The following MASP2 variants were observed in gnomAD, a reference collection of about 807,000 sequenced individuals.
MASP2 encodes MBL associated serine protease 2.
Under a neutral mutation model 57.1 loss-of-function variants are expected in MASP2, and 49 were observed. The observed-to-expected ratio is 0.86, with a 90% CI of 0.68 to 1.09. MASP2 has a LOEUF of 1.09. Ranked by LOEUF, MASP2 falls within the 50% of genes least tolerant of loss-of-function variation. The probability of loss-of-function intolerance (pLI) is 0.00; values close to 1 mark genes in which losing one functional copy is unlikely to be tolerated. For missense variants in MASP2, 900 were observed against 874.8 expected, an observed-to-expected ratio of 1.03 and a Z score of -0.36; for synonymous variants, 379 against 340.8, an observed-to-expected ratio of 1.11 and a Z score of -1.24.
chr1:11,030,830 G>T lies in MASP2; in HGVS notation c.1140C>A (p.Ile380=), dbSNP rs1643831218. Residue 380 remains isoleucine, a synonymous_variant, in exon 9 of 11, where the codon ATC becomes ATA. Transcript: ENST00000400897. ...DDLPSGRVEY[I]TGPGVTTYKA... ...TGTAGGTGGTCACTCCAGGACCTGT[G>T]ATGTACTCCACTCGGCCACTGGGTA... 3.1e-6 allele frequency: 5 copies of T among 1,613,928 alleles called. No individual in the cohort carries two copies. The highest frequency in any genetic ancestry group is 4.2e-6 in the Non-Finnish European group (5 of 1,179,868).
intron 7 of MASP2, among the ~76,000 whole-genome samples, chr1:11,036,659 A>G (rs1364456326): frequency 7.3e-6 from 1 of 136,898 alleles, no homozygotes; most frequent in Non-Finnish European, 1.5e-5. Flanking sequence ...GACCCGCCAC[A>G]GGACTGTGGA....
At chr1:11,045,341 C>T (rs1557677344) in intron 4 of MASP2, 67 bp downstream of exon 4, 1 of 1,607,108 alleles carries the variant, frequency 6.2e-7, no homozygotes, top group South Asian at 1.1e-5. Context: ...GGCAGAGCAG[C>T]AATGGCCCTG....
intron 6 of MASP2, among the ~76,000 whole-genome samples, chr1:11,042,157 AGGAT>A (rs1004280875): frequency 4.6e-4 from 37 of 80,190 alleles, no homozygotes; most frequent in East Asian, 3.3e-3. Context: ...CATGGATGGA[AGGAT>A]GGATGGATGG....
At position 11,037,811 on chromosome 1, in the gene MASP2, G is replaced by C; in HGVS notation, c.890C>G (p.Ala297Gly). Residue 297 changes from alanine (A) to glycine (G), a missense_variant and splice_region_variant, in exon 7 of 11, where the codon GCG (alanine) becomes GGG (glycine). Transcript: ENST00000400897. ...CGCCATCGGATAAGGGCAAGGCTGC[G>C]CTGCGCAGAGGAAACCAGGCTTGTT... ...TGWKIHYTST[A>G]QPCPYPMAPP... The C allele has an allele frequency of 6.3e-7, 1 of 1,596,284 alleles. No individual in the cohort carries two copies. The highest frequency in any genetic ancestry group is 8.6e-7 in the Non-Finnish European group (1 of 1,168,714).
intron 3 of MASP2, 153 bp from the exon 4 acceptor site, chr1:11,045,692 A>G: frequency 1.3e-6 from 1 of 785,334 alleles, no homozygotes; most frequent in African/African-American, 1.7e-5. Flanking sequence ...CAATCACCTT[A>G]CAGGCCTAGG....
In MASP2 at chr1:11,027,574, A is replaced by C. The variant is rs1557664736; in HGVS notation, c.1372T>G (p.Trp458Gly). The change falls in exon 11 of 11, where the codon TGG (tryptophan) becomes GGG (glycine). Residue 458 changes from tryptophan to glycine, a missense_variant. Coordinates refer to ENST00000400897, the MANE Select transcript of MASP2 (RefSeq NM_006610.4). The stretch of plus-strand genomic sequence containing the variant: ...GTTCCACCTAATATCAGGACTTGCC[A>C]AGGAAAATCACCAGGTTTTGCCTTT... ...GQKAKPGDFP[W>G]QVLILGGTTA... The C allele has an allele frequency of 6.2e-7, 1 of 1,614,196 alleles. No homozygotes were observed. The highest frequency in any genetic ancestry group is 1.7e-5 in the Admixed American group (1 of 60,012).
chr1:11,037,756 T>C lies in MASP2; in HGVS notation c.945A>G (p.Gln315=). The change falls in exon 7 of 11, where the codon CAA becomes CAG. Residue 315 remains glutamine, a synonymous_variant. Transcript: ENST00000400897. ...APPNGHVSPV[Q]AKYILKDSFS... ...AGCTGTCTTTCAGGATGTATTTGGC[T>C]TGCACAGGTGAAACGTGGCCATTAG... The C allele has an allele frequency of 6.2e-7, 1 of 1,613,502 alleles. No homozygotes were observed. The highest frequency in any genetic ancestry group is 8.5e-7 in the Non-Finnish European group (1 of 1,179,808).
intron 3 of MASP2, chr1:11,046,349 T>A: frequency 1.6e-6 from 1 of 623,368 alleles, no homozygotes; most frequent in Non-Finnish European, 2.9e-6. Context: ...TGTCCTCAGA[T>A]CCCTGGCTCA....
chr1:11,036,302 A>G (rs1351608385), intron 7 of MASP2, among the ~76,000 whole-genome samples: 2 of 151,256 alleles, frequency 1.3e-5, no homozygotes, highest in Non-Finnish European at 2.9e-5. Context: ...CAGGAGATCG[A>G]GACCATCCTG....
At position 11,030,746 on chromosome 1, in the gene MASP2, A is replaced by G; in HGVS notation, c.1222+2T>C. On this transcript the variant is annotated splice_donor_variant, in intron 9 of 10. Coordinates refer to ENST00000400897, the MANE Select transcript of MASP2 (RefSeq NM_006610.4). LOFTEE classifies it high-confidence loss of function. The stretch of plus-strand genomic sequence containing the variant: ...ACCCCCAACTTTGAAGAATTTGCAT[A>G]CCATCATTCACTTTCATTGTGTAGA... 1.3e-6 allele frequency: 2 copies of G among 1,595,852 alleles called. No homozygotes were observed. The highest frequency in any genetic ancestry group is 2.3e-5 in the East Asian group (1 of 44,380).
chr1:11,047,139 G>A lies in MASP2; in HGVS notation c.6-20C>T, dbSNP rs1241482759. On this transcript the variant is annotated intron_variant, in intron 1 of 10. Coordinates refer to ENST00000400897, the MANE Select transcript of MASP2 (RefSeq NM_006610.4). ...AGCAGCCTATGGGCAGGGCAGGGGC[G>A]GTGAGGGCCCAGGCCTGTGCTCCCA... 7 of 1,548,710 alleles carry A rather than the reference G, an allele frequency of 4.5e-6. No homozygotes were observed. Among genetic ancestry groups the A allele is most frequent in the East Asian group, 2.4e-5 (1 of 41,024 alleles).
At position 11,027,186 on chromosome 1, in the gene MASP2, T is replaced by A. The variant is rs952070339; in HGVS notation, c.1760A>T (p.Tyr587Phe). The stretch of plus-strand genomic sequence containing the variant: ...ATGGTCAACAATCGGTATGTCGACA[T>A]ACATTAGATTTCTAGCAAGAAAACC... ...QRGFLARNLM[Y>F]VDIPIVDHQK... Residue 587 changes from tyrosine (Y) to phenylalanine (F), a missense_variant, in exon 11 of 11, where the codon TAT becomes TTT. By Grantham distance (22) the Tyr-to-Phe change is conservative (BLOSUM62 3). Coordinates refer to ENST00000400897, the MANE Select transcript of MASP2 (RefSeq NM_006610.4). 26 of 1,614,086 alleles carry A rather than the reference T, an allele frequency of 1.6e-5. No individual in the cohort carries two copies. Among genetic ancestry groups the A allele is most frequent in the Non-Finnish European group, 1.9e-5 (23 of 1,180,056 alleles).
chr1:11,036,558 GAA>G (rs1324489668), intron 7 of MASP2, among the ~76,000 whole-genome samples: 1 of 92,396 alleles, frequency 1.1e-5, no homozygotes, highest in Non-Finnish European at 2.4e-5. Flanking sequence ...AGAAACTAAA[GAA>G]GTCTGTGGTC....
rs1166315142 is a variant in MASP2, at chr1:11,041,815, A to G, written c.889+1060T>C. Reference sequence around the variant, plus strand: ...ATGGATAGAAGTATGTGTAGGTAGAAGGATGGGTGGATGGGTAGATGAGTA... The same window carrying G: ...ATGGATAGAAGTATGTGTAGGTAGAGGGATGGGTGGATGGGTAGATGAGTA... On this transcript the variant is annotated intron_variant, in intron 6 of 10. Transcript: ENST00000400897. 9.0e-5 allele frequency among the ~76,000 whole-genome samples: 3 copies of G among 33,334 alleles called. No homozygotes were observed. In the East Asian group the frequency reaches 2.8e-3, roughly 31 times the overall value. 21.9% of individuals were successfully genotyped at this position (33,334 alleles called of 152,430 possible). A position where few individuals can be genotyped will look rare whatever the true frequency, so the allele number is the denominator to read the frequency against.
intron 9 of MASP2, chr1:11,030,543 TAGTC>T: frequency 1.7e-6 from 1 of 589,188 alleles, no homozygotes; most frequent in Non-Finnish European, 2.9e-6. Context: ...GTGTTTGTAG[TAGTC>T]ATTTACTAGA....
rs1289727940 is a variant in MASP2 at position 11,027,278 on chromosome 1, T to G, written c.1668A>C (p.Lys556Asn). 2 of 1,614,008 alleles carry G rather than the reference T, an allele frequency of 1.2e-6. No homozygotes were observed. The highest frequency in any genetic ancestry group is 1.7e-5 in the Admixed American group (1 of 59,982). ...SNITPICLPR[K>N]EAESFMRTDD... ...CTGTCCTCATAAAGGATTCAGCTTC[T>G]TTTCTTGGCAGACAAATAGGCGTGA... Residue 556 changes from lysine to asparagine, a missense_variant, in exon 11 of 11, where the codon AAA becomes AAC. Lys to Asn is a moderately conservative substitution (Grantham distance 94). Coordinates refer to ENST00000400897, the MANE Select transcript of MASP2 (RefSeq NM_006610.4).
At chr1:11,035,786 C>T (rs1169555842) in intron 7 of MASP2, among the ~76,000 whole-genome samples, 1 of 150,408 alleles carries the variant, frequency 6.6e-6, no homozygotes, top group Non-Finnish European at 1.5e-5. Flanking sequence ...GTCCCAGCTA[C>T]TTGGGAGGCT....
rs763975049 is a variant in MASP2, at chr1:11,045,438, C to T, written c.514G>A (p.Val172Ile). 13 of 1,613,142 alleles carry T rather than the reference C, an allele frequency of 8.1e-6. No individual in the cohort carries two copies. The highest frequency in any genetic ancestry group is 5.3e-5 in the African/African-American group (4 of 74,918). The change falls in exon 4 of 11, where the codon GTC (valine) becomes ATC (isoleucine). Residue 172 changes from valine (V) to isoleucine (I), a missense_variant. Coordinates refer to ENST00000400897, the MANE Select transcript of MASP2 (RefSeq NM_006610.4). ...CAGGTGCGCTTGTTACGGTGCAGGACGTAGCCTGCGCGGCAGGAGCAGTAG... is the reference window on the plus strand; with the variant it reads ...CAGGTGCGCTTGTTACGGTGCAGGATGTAGCCTGCGCGGCAGGAGCAGTAG... ...GFYCSCRAGYVLHRNKRTCSA... is the reference protein window; with the variant it reads ...GFYCSCRAGYILHRNKRTCSA...
chr1:11,034,817 C>A lies in MASP2; in HGVS notation c.1087+11G>T. 1 of 1,603,280 alleles carries A rather than the reference C, an allele frequency of 6.2e-7. No individual in the cohort carries two copies. ...GCGGTTATGGGGCCTGTAGTCACCACACGACCGTACTGCTGCACGCGGGCA... is the reference window on the plus strand; with the variant it reads ...GCGGTTATGGGGCCTGTAGTCACCAAACGACCGTACTGCTGCACGCGGGCA... On this transcript the variant is annotated intron_variant, in intron 8 of 10. Transcript: ENST00000400897.
Sources: allele counts gnomAD v4.1 joint callset (sites outside exome capture counted in the v4.1 genomes callset), GRCh38; gene constraint gnomAD v4.1.1; transcripts MANE v1.5; gene names NCBI Gene and HGNC (gene_info 2026-07-23, HGNC 2026-07-21).